Variants in GALNT1 observed in about 807,000 individuals in gnomAD.
GALNT1 encodes the protein polypeptide N-acetylgalactosaminyltransferase 1.
Under a neutral mutation model 65.7 loss-of-function variants are expected in GALNT1, and 17 were observed. The ratio of observed to expected loss-of-function variants is 0.26; its 90% CI spans 0.18 to 0.39. The LOEUF is 0.39. Ranked by LOEUF, GALNT1 falls within the 10% of genes least tolerant of loss-of-function variation. GALNT1 has a pLI of 1.00. For synonymous variants in GALNT1, 210 were observed against 219.7 expected (o/e 0.96, Z 0.39); for missense variants, 460 against 672.8 (o/e 0.68, Z 3.50).
At chr18:35,642,077 G>T (rs2047171163) in intron 1 of GALNT1, among the ~76,000 whole-genome samples, 1 of 152,090 alleles carries the variant, frequency 6.6e-6, no homozygotes, top group South Asian at 2.1e-4. Flanking sequence ...GACTCAAAAA[G>T]CCTGAAATCT....
chr18:35,625,270 A>T (rs1270011039), intron 1 of GALNT1, among the ~76,000 whole-genome samples: 1 of 152,186 alleles, frequency 6.6e-6, no homozygotes, highest in Non-Finnish European at 1.5e-5. Flanking sequence ...TGAAATTCCC[A>T]GGGAGGATGT....
In GALNT1 at chr18:35,679,354, C is replaced by T. The variant is rs945251028; in HGVS notation, c.481+1597C>T. ...CATTTCCTCCTTTGTTTTTCTCTCT[C>T]GTTCTGTGAATGCCCAAGAAGGCTG... On this transcript the variant is annotated intron_variant, in intron 4 of 11. Coordinates refer to ENST00000269195, the MANE Select transcript of GALNT1 (RefSeq NM_020474.4). 1.6e-4 allele frequency among the ~76,000 whole-genome samples: 25 copies of T among 152,128 alleles called. 1 individual carries two copies. Among genetic ancestry groups the T allele is most frequent in the Non-Finnish European group, 7.4e-5 (5 of 68,018 alleles).
intron 3 of GALNT1, 151 bp downstream of exon 3, chr18:35,663,953 A>G: frequency 4.6e-6 from 3 of 649,592 alleles, no homozygotes; most frequent in Non-Finnish European, 7.9e-6. Context: ...AAATGCTGAT[A>G]GAAATAATAT....
At chr18:35,662,837 A>G (rs2047496475) in intron 2 of GALNT1, among the ~76,000 whole-genome samples, 1 of 152,194 alleles carries the variant, frequency 6.6e-6, no homozygotes, top group Non-Finnish European at 1.5e-5. Context: ...CAAAAACATA[A>G]GGAAGAAAGT....
intron 3 of GALNT1, among the ~76,000 whole-genome samples, chr18:35,665,344 A>C (rs1033628262): frequency 6.6e-6 from 1 of 152,186 alleles, no homozygotes; most frequent in Admixed American, 6.6e-5. Flanking sequence ...CACCAAAGAG[A>C]TGGACAACAG....
At chr18:35,676,426 A>G (rs1214651500) in intron 3 of GALNT1, among the ~76,000 whole-genome samples, 1 of 152,130 alleles carries the variant, frequency 6.6e-6, no homozygotes, top group South Asian at 2.1e-4. Context: ...CAACCCTTTT[A>G]CCTTGTCATC....
intron 11 of GALNT1, among the ~76,000 whole-genome samples, chr18:35,705,483 T>C (rs1028347566): frequency 2.0e-5 from 3 of 152,214 alleles, no homozygotes; most frequent in Admixed American, 2.0e-4. Flanking sequence ...TTACCTATAA[T>C]AATAGCTCAG....
At position 35,663,758 on chromosome 18, in the gene GALNT1, G is replaced by A. The variant is rs1173193338; in HGVS notation, c.270G>A (p.Glu90=). ...KINQFNLMAS[E]MIALNRSLPD... is the part of the protein sequence containing the mutation. ...ATCAGTTCAATTTAATGGCAAGTGA[G>A]ATGATTGCACTCAACAGATCTTTAC... Residue 90 remains glutamate (E), a synonymous_variant, in exon 3 of 12, where the codon GAG becomes GAA. Coordinates refer to ENST00000269195, the MANE Select transcript of GALNT1 (RefSeq NM_020474.4). 15 of 1,613,854 alleles carry A rather than the reference G, an allele frequency of 9.3e-6. No homozygotes were observed. The highest frequency in any genetic ancestry group is 1.7e-5 in the Admixed American group (1 of 60,002).
At chr18:35,650,515 A>G (rs938198989) in intron 1 of GALNT1, among the ~76,000 whole-genome samples, 1 of 152,188 alleles carries the variant, frequency 6.6e-6, no homozygotes, top group African/African-American at 2.4e-5. Flanking sequence ...CCTCGTCCTA[A>G]TAAGCCTGGG....
chr18:35,606,342 G>T (rs2046646996), intron 1 of GALNT1, among the ~76,000 whole-genome samples: 1 of 152,158 alleles, frequency 6.6e-6, no homozygotes, highest in Non-Finnish European at 1.5e-5. Flanking sequence ...GAAATGTTTG[G>T]TAGGCAACAC....
At chr18:35,596,842 A>G (rs1192445663) in intron 1 of GALNT1, 5 of 152,240 alleles carry the variant, frequency 3.3e-5, no homozygotes, top group Non-Finnish European at 7.3e-5. Context: ...TATCCTCAGC[A>G]GAGCCTCCAG....
intron 2 of GALNT1, among the ~76,000 whole-genome samples, chr18:35,656,098 C>T (rs533297201): frequency 3.9e-5 from 6 of 152,302 alleles, no homozygotes; most frequent in South Asian, 2.1e-4. Context: ...ACAGGTATTA[C>T]GATTCATCAG....
At chr18:35,674,007 C>G (rs1208612330) in intron 3 of GALNT1, among the ~76,000 whole-genome samples, 2 of 152,184 alleles carry the variant, frequency 1.3e-5, no homozygotes, top group Non-Finnish European at 2.9e-5. Context: ...TATTTCTCTA[C>G]TGAATACTGT....
intron 11 of GALNT1, among the ~76,000 whole-genome samples, chr18:35,706,705 G>A (rs1451276687): frequency 6.6e-6 from 1 of 152,058 alleles, no homozygotes; most frequent in Admixed American, 6.6e-5. Flanking sequence ...TCTGTAAAAG[G>A]AATACCTCCC....
intron 3 of GALNT1, among the ~76,000 whole-genome samples, chr18:35,675,571 C>T (rs1359860899): frequency 6.6e-6 from 1 of 152,190 alleles, no homozygotes; most frequent in Non-Finnish European, 1.5e-5. Context: ...GTTATCACTT[C>T]TCTTCTGCAG....
intron 1 of GALNT1, among the ~76,000 whole-genome samples, chr18:35,651,132 A>C (rs1347369147): frequency 6.6e-6 from 1 of 152,208 alleles, no homozygotes; most frequent in African/African-American, 2.4e-5. Flanking sequence ...TCCCGCAACA[A>C]AACTTCTTTT....
At chr18:35,683,666 A>T in intron 5 of GALNT1, 68 bp downstream of exon 5, 1 of 1,192,446 alleles carries the variant, frequency 8.4e-7, no homozygotes, top group Non-Finnish European at 1.2e-6. Flanking sequence ...GAGTTGCCAA[A>T]TTCTATATTT....
chr18:35,680,791 C>T (rs1000613830), intron 4 of GALNT1, among the ~76,000 whole-genome samples: 1 of 152,094 alleles, frequency 6.6e-6, no homozygotes. Context: ...AATCCAGAGC[C>T]TGACCTCTTA....
chr18:35,657,258 G>T (rs566858737), intron 2 of GALNT1, among the ~76,000 whole-genome samples: 19 of 152,176 alleles, frequency 1.2e-4, no homozygotes, highest in African/African-American at 4.1e-4. Flanking sequence ...ACCACACCCA[G>T]TTAATTTTTG....
Sources: allele counts gnomAD v4.1 joint callset (sites outside exome capture counted in the v4.1 genomes callset), GRCh38; gene constraint gnomAD v4.1.1; transcripts MANE v1.5; gene names NCBI Gene and HGNC (gene_info 2026-07-23, HGNC 2026-07-21).